Variants in PSMA1 observed in about 807,000 individuals in gnomAD.
PSMA1 encodes the protein proteasome 20S subunit alpha 1, also known as proteasome subunit alpha type-1.
A neutral mutation model predicts 38.4 loss-of-function variants in PSMA1; 3 were observed. The observed-to-expected ratio is 0.08, with a 90% confidence interval of 0.04 to 0.20. The LOEUF (loss-of-function observed/expected upper bound fraction) is 0.20, where lower values mean the gene tolerates loss of function less well. Among genes scored for constraint, PSMA1 ranks in the 10% least tolerant of loss-of-function variants. The pLI is 1.00. For synonymous variants in PSMA1, 101 were observed against 107.1 expected, an observed-to-expected ratio of 0.94 and a Z score of 0.35; for missense variants, 227 against 325.3, an observed-to-expected ratio of 0.70 and a Z score of 2.32.
At chr11:14,510,600 T>TA (rs1851327720) in intron 8 of PSMA1, among the ~76,000 whole-genome samples, 1 of 152,222 alleles carries the variant, frequency 6.6e-6, no homozygotes, top group East Asian at 1.9e-4. Flanking sequence ...TATATATATA[T>TA]TTTTGTTAAC....
intron 7 of PSMA1, 125 bp downstream of exon 7, chr11:14,513,445 A>AT (rs1851375702): frequency 3.6e-6 from 4 of 1,102,390 alleles, no homozygotes; most frequent in South Asian, 3.7e-5. Context: ...CATGGGCATA[A>AT]TTTTTTTTAA....
chr11:14,633,820 G>A (rs1306857924), intron 1 of PSMA1, among the ~76,000 whole-genome samples: 1 of 152,198 alleles, frequency 6.6e-6, no homozygotes. Context: ...TCCGAGCCAG[G>A]TGCGGGATAT....
At chr11:14,596,334 C>T (rs1190267800) in intron 2 of PSMA1, among the ~76,000 whole-genome samples, 25 of 152,114 alleles carry the variant, frequency 1.6e-4, no homozygotes, top group Admixed American at 1.6e-3. Flanking sequence ...TTACTTTGGG[C>T]ATTATGGCCA....
At chr11:14,575,227 T>C (rs1852197144) in intron 2 of PSMA1, among the ~76,000 whole-genome samples, 1 of 152,132 alleles carries the variant, frequency 6.6e-6, no homozygotes, top group Non-Finnish European at 1.5e-5. Flanking sequence ...TCCAGCAGAA[T>C]AAATTTCTTT....
intron 1 of PSMA1, among the ~76,000 whole-genome samples, chr11:14,613,965 T>C (rs1237155527): frequency 1.3e-5 from 2 of 152,208 alleles, no homozygotes; most frequent in East Asian, 1.9e-4. Flanking sequence ...TACCTATCCA[T>C]TCATCCAGTA....
At chr11:14,517,465 T>C (rs924762693) in intron 4 of PSMA1, among the ~76,000 whole-genome samples, 177 bp downstream of exon 4, 4 of 152,210 alleles carry the variant, frequency 2.6e-5, no homozygotes, top group African/African-American at 9.6e-5. Context: ...TAGTTACTCC[T>C]ACAGGGATCA....
chr11:14,599,354 C>T (rs917536247), intron 2 of PSMA1, among the ~76,000 whole-genome samples: 4 of 152,192 alleles, frequency 2.6e-5, no homozygotes, highest in Admixed American at 2.6e-4. Context: ...GCTCCATTCT[C>T]CCCGTCACTT....
At chr11:14,632,263 G>A (rs1377674759) in intron 1 of PSMA1, among the ~76,000 whole-genome samples, 8 of 149,568 alleles carry the variant, frequency 5.3e-5, no homozygotes, top group African/African-American at 7.5e-5. Context: ...TCCTAGTCTC[G>A]ATGGTCTTTA....
chr11:14,583,018 CT>C (rs1852301253), intron 2 of PSMA1, among the ~76,000 whole-genome samples: 1 of 152,182 alleles, frequency 6.6e-6, no homozygotes, highest in African/African-American at 2.4e-5. Context: ...TTTAACAGCT[CT>C]GCGCTCACGT....
intron 2 of PSMA1, among the ~76,000 whole-genome samples, chr11:14,591,157 A>AGCCG (rs1187606568): frequency 6.6e-6 from 1 of 152,226 alleles, no homozygotes; most frequent in East Asian, 1.9e-4. Flanking sequence ...CACTCGGAGC[A>AGCCG]GCCGGCCGGC....
In PSMA1 at chr11:14,516,205, G is replaced by A. The variant is rs1242803141; in HGVS notation, c.254+1437C>T. The stretch of plus-strand genomic sequence containing the variant: ...AGCCTGGGCGACAGCGCGAGACTCC[G>A]TCTCAAAAAAAAAAAAAAGAATAGG... On this transcript the variant is annotated intron_variant, in intron 4 of 9. Transcript: ENST00000396394. Among the ~76,000 whole-genome samples the A allele has an allele frequency of 2.4e-4, 22 of 90,862 alleles. 1 individual carries two copies. The South Asian group carries it at 4.9e-3, about 20-fold the overall frequency. The allele number at this position is 90,862 out of a possible 152,430, so 59.6% of individuals were successfully genotyped here.
At chr11:14,585,921 A>G (rs1852340423) in intron 2 of PSMA1, among the ~76,000 whole-genome samples, 1 of 152,228 alleles carries the variant, frequency 6.6e-6, no homozygotes. Context: ...CAATTAAATT[A>G]GAATCTTTCA....
At chr11:14,520,081 G>T in intron 1 of PSMA1, 1 of 684,032 alleles carries the variant, frequency 1.5e-6, no homozygotes. Context: ...GAGGCTCCCC[G>T]GGAAGCGAAA....
upstream of PSMA1, chr11:14,520,420 G>A: frequency 6.2e-7 from 1 of 1,610,610 alleles, no homozygotes; most frequent in Non-Finnish European, 8.5e-7. Context: ...GCGGCGCAGG[G>A]TAGCGCAGTC....
At chr11:14,613,157 CAAT>C (rs747603050) in intron 1 of PSMA1, among the ~76,000 whole-genome samples, 8 of 151,592 alleles carry the variant, frequency 5.3e-5, no homozygotes, top group Non-Finnish European at 1.2e-4. Flanking sequence ...GTAATAAAGT[CAAT>C]AATTTTAAAT....
intron 2 of PSMA1, among the ~76,000 whole-genome samples, chr11:14,551,293 G>C (rs916358455): frequency 6.6e-6 from 1 of 152,142 alleles, no homozygotes; most frequent in Admixed American, 6.6e-5. Context: ...GTACAGGAAG[G>C]CTAACCCAAA....
At chr11:14,520,112 G>T in intron 1 of PSMA1, 185 bp downstream of exon 1, 1 of 901,410 alleles carries the variant, frequency 1.1e-6, no homozygotes, top group Non-Finnish European at 1.7e-6. Context: ...GGCCGCACTG[G>T]CTACCGATAA....
chr11:14,624,775 TG>T (rs1441336941), intron 1 of PSMA1, among the ~76,000 whole-genome samples: 1 of 152,172 alleles, frequency 6.6e-6, no homozygotes, highest in Non-Finnish European at 1.5e-5. Flanking sequence ...GGAAGCCTGC[TG>T]GTACTCCTTT....
At chr11:14,620,043 G>A (rs1019087527) in intron 1 of PSMA1, among the ~76,000 whole-genome samples, 6 of 151,842 alleles carry the variant, frequency 4.0e-5, no homozygotes, top group African/African-American at 1.5e-4. Context: ...TTTCTTCTTG[G>A]TTATAAACAC....
Sources: allele counts gnomAD v4.1 joint callset (sites outside exome capture counted in the v4.1 genomes callset), GRCh38; gene constraint gnomAD v4.1.1; transcripts MANE v1.5; gene names NCBI Gene and HGNC (gene_info 2026-07-23, HGNC 2026-07-21).